ATP8A2: variants seen among roughly 807,000 people sequenced by gnomAD.
ATP8A2 encodes ATPase phospholipid transporting 8A2.
A neutral mutation model predicts 165.6 loss-of-function variants in ATP8A2; 100 were observed. The ratio of observed to expected loss-of-function variants is 0.60; its 90% CI spans 0.51 to 0.71. ATP8A2 has a LOEUF of 0.71. ATP8A2 is among the 30% of genes least tolerant of loss of function. ATP8A2 has a pLI of 0.00. For synonymous variants in ATP8A2, 543 were observed against 548.8 expected (o/e 0.99, Z 0.15); for missense variants, 1,227 against 1,479.5 (o/e 0.83, Z 2.80).
At chr13:25,904,263 G>A (rs1953861546) in intron 33 of ATP8A2, among the ~76,000 whole-genome samples, 1 of 152,156 alleles carries the variant, frequency 6.6e-6, no homozygotes, top group Non-Finnish European at 1.5e-5. Flanking sequence ...GAAACCTTGG[G>A]GAGTCTGATC....
intron 30 of ATP8A2, among the ~76,000 whole-genome samples, chr13:25,850,617 C>T (rs1193452012): frequency 1.3e-5 from 2 of 152,104 alleles, no homozygotes; most frequent in Admixed American, 6.5e-5. Flanking sequence ...GGGTTTTGTC[C>T]CCCTTTGAAA....
intron 33 of ATP8A2, among the ~76,000 whole-genome samples, chr13:25,864,772 G>A (rs1428892290): frequency 6.6e-6 from 1 of 152,228 alleles, no homozygotes; most frequent in East Asian, 1.9e-4. Context: ...GAGGATTAAT[G>A]TGGTTCTCTA....
chr13:25,498,550 G>A (rs1160734658), intron 2 of ATP8A2, among the ~76,000 whole-genome samples: 1 of 152,084 alleles, frequency 6.6e-6, no homozygotes. Flanking sequence ...GATCTTTTTG[G>A]TCATAGAATT....
rs538923118 is a variant in ATP8A2, at chr13:25,740,082, G to A, written c.2385-28964G>A. On this transcript the variant is annotated intron_variant, in intron 25 of 36. Coordinates refer to ENST00000381655, the MANE Select transcript of ATP8A2 (RefSeq NM_016529.6). ...CCCAGCACTTTGGGAGGCCGAGACG[G>A]GCGGATCACAAGGTCAGGAGATCGA... Among the ~76,000 whole-genome samples the A allele has an allele frequency of 2.1e-3, 315 of 152,248 alleles. 1 individual carries two copies. The highest frequency in any genetic ancestry group is 3.4e-3 in the Non-Finnish European group (231 of 68,020).
intron 33 of ATP8A2, among the ~76,000 whole-genome samples, chr13:25,870,981 AT>A (rs1305283721): frequency 6.6e-6 from 1 of 151,978 alleles, no homozygotes; most frequent in African/African-American, 2.4e-5. Flanking sequence ...GAAAGCCCTC[AT>A]TTTTTTAGTC....
chr13:25,910,374 G>C (rs186727831), intron 33 of ATP8A2, among the ~76,000 whole-genome samples: 24 of 152,138 alleles, frequency 1.6e-4, no homozygotes, highest in Non-Finnish European at 2.6e-4. Flanking sequence ...GCCCTTTCAC[G>C]GCACCTGTAA....
intron 35 of ATP8A2, 28 bp from the exon 36 acceptor site, chr13:26,012,503 G>A: frequency 1.3e-6 from 2 of 1,534,184 alleles, no homozygotes; most frequent in Non-Finnish European, 1.8e-6. Flanking sequence ...CAGGTGACAA[G>A]AGACTGACGC....
intron 24 of ATP8A2, among the ~76,000 whole-genome samples, chr13:25,665,133 G>A (rs1029705684): frequency 8.5e-5 from 13 of 152,162 alleles, no homozygotes; most frequent in Admixed American, 5.2e-4. Flanking sequence ...GGAGGTCCCC[G>A]TGCACAGTGT....
intron 24 of ATP8A2, among the ~76,000 whole-genome samples, chr13:25,640,318 G>C (rs2041483533): frequency 6.6e-6 from 1 of 152,042 alleles, no homozygotes; most frequent in African/African-American, 2.4e-5. Context: ...TCCAGGAGCT[G>C]GTTTTTTGAA....
At chr13:25,434,051 C>A (rs1309486993) in intron 1 of ATP8A2, among the ~76,000 whole-genome samples, 1 of 152,102 alleles carries the variant, frequency 6.6e-6, no homozygotes, top group African/African-American at 2.4e-5. Flanking sequence ...TACTAGAAAC[C>A]CAGTCCCCAC....
chr13:25,570,354 C>T lies in ATP8A2; in HGVS notation c.1474-413C>T, dbSNP rs147811689. Among the ~76,000 whole-genome samples, 1,066 of 152,128 alleles carry T rather than the reference C, an allele frequency of 7.0e-3. 12 individuals are homozygous for T. Among genetic ancestry groups the T allele is most frequent in the Middle Eastern group, 0.014 (4 of 294 alleles). Reference sequence around the variant, plus strand: ...GCAGCACGTGGGTGAAGCAGAAGCACAGGGAGGCGGAAGCAGAGGGGCAAG... The same window carrying T: ...GCAGCACGTGGGTGAAGCAGAAGCATAGGGAGGCGGAAGCAGAGGGGCAAG... On this transcript the variant is annotated intron_variant, in intron 16 of 36. Transcript: ENST00000381655.
At chr13:25,398,697 T>C (rs139692543) in intron 1 of ATP8A2, among the ~76,000 whole-genome samples, 121 of 152,326 alleles carry the variant, frequency 7.9e-4, no homozygotes, top group African/African-American at 2.8e-3. Context: ...TTAGTCCCTG[T>C]CCTTGAGGAA....
chr13:25,765,555 T>A (rs2044473469), intron 25 of ATP8A2, among the ~76,000 whole-genome samples: 1 of 152,214 alleles, frequency 6.6e-6, no homozygotes, highest in South Asian at 2.1e-4. Context: ...AATTATGTTT[T>A]CTCAAGGCAT....
At chr13:25,860,942 A>G in intron 32 of ATP8A2, 82 bp downstream of exon 32, 1 of 944,818 alleles carries the variant, frequency 1.1e-6, no homozygotes, top group East Asian at 2.6e-5. Flanking sequence ...TGGGGAAACC[A>G]TAAGCAATAT....
intron 30 of ATP8A2, among the ~76,000 whole-genome samples, chr13:25,856,299 A>C (rs1213778738): frequency 1.3e-5 from 2 of 152,232 alleles, no homozygotes; most frequent in Non-Finnish European, 2.9e-5. Context: ...CAAAAAGTCA[A>C]ATACTGCATG....
chr13:25,954,241 G>A (rs142762230), intron 33 of ATP8A2, among the ~76,000 whole-genome samples: 157 of 152,306 alleles, frequency 1.0e-3, no homozygotes, highest in African/African-American at 3.7e-3. Context: ...AAGCCACCAG[G>A]AAGTTTGAAC....
At chr13:25,451,555 C>T (rs1488712154) in intron 1 of ATP8A2, among the ~76,000 whole-genome samples, 1 of 152,106 alleles carries the variant, frequency 6.6e-6, no homozygotes, top group Admixed American at 6.5e-5. Context: ...TTAGTATTTA[C>T]TTTGTCGATT....
chr13:25,927,331 G>T (rs546133305), intron 33 of ATP8A2: 14 of 375,844 alleles, frequency 3.7e-5, no homozygotes, highest in African/African-American at 2.3e-4. Context: ...TCAGTGTTTG[G>T]TTTTTTTCTT....
intron 25 of ATP8A2, among the ~76,000 whole-genome samples, chr13:25,765,646 G>T (rs1259282347): frequency 2.0e-5 from 3 of 152,026 alleles, no homozygotes; most frequent in African/African-American, 7.2e-5. Flanking sequence ...TATATACCCT[G>T]GTCAGGTTTT....
Sources: allele counts gnomAD v4.1 joint callset (sites outside exome capture counted in the v4.1 genomes callset), GRCh38; gene constraint gnomAD v4.1.1; transcripts MANE v1.5; gene names NCBI Gene and HGNC (gene_info 2026-07-23, HGNC 2026-07-21).